CTNNA3: variants seen among roughly 807,000 people sequenced by gnomAD.
CTNNA3 encodes catenin alpha 3, also known as catenin alpha-3.
A neutral mutation model predicts 95.7 loss-of-function variants in CTNNA3; 76 were observed. That is an observed-to-expected ratio of 0.79 (90% confidence interval 0.66 to 0.96). The LOEUF (loss-of-function observed/expected upper bound fraction) is 0.96. Among genes scored for constraint, CTNNA3 ranks in the 40% least tolerant of loss-of-function variants. The pLI, the probability that CTNNA3 is intolerant of heterozygous loss-of-function variation, is 0.00. For synonymous variants in CTNNA3, 431 were observed against 374.4 expected, an observed-to-expected ratio of 1.15 and a Z score of -1.74; for missense variants, 1,191 against 1,089.8, an observed-to-expected ratio of 1.09 and a Z score of -1.31.
At chr10:66,259,082 T>C (rs974856015) in intron 13 of CTNNA3, among the ~76,000 whole-genome samples, 1 of 152,190 alleles carries the variant, frequency 6.6e-6, no homozygotes, top group African/African-American at 2.4e-5. Flanking sequence ...CTTTGGTCTC[T>C]GCCTTTTTAA....
In CTNNA3 at chr10:66,019,757, AG is replaced by A. The variant is rs2079163913; in HGVS notation, c.2160-30961del. Among the ~76,000 whole-genome samples the A allele has an allele frequency of 2.0e-5, 3 of 152,204 alleles. No individual in the cohort carries two copies. In the South Asian group the frequency reaches 6.2e-4, roughly 31 times the overall value. On this transcript the variant is annotated intron_variant, in intron 15 of 17. Coordinates refer to ENST00000433211, the MANE Select transcript of CTNNA3 (RefSeq NM_013266.4). ...AAATAGTTAAAAAATTGCTTAGTGTAGTTTGATGTTCCTGCAGCTTCAAAGT... is the reference window on the plus strand; with the variant it reads ...AAATAGTTAAAAAATTGCTTAGTGTATTTGATGTTCCTGCAGCTTCAAAGT...
chr10:67,614,317 G>C (rs1312111281), intron 2 of CTNNA3, among the ~76,000 whole-genome samples: 2 of 152,130 alleles, frequency 1.3e-5, no homozygotes, highest in Non-Finnish European at 2.9e-5. Context: ...TCAGTTTCAG[G>C]ATGATTCAAG....
chr10:66,931,555 A>T (rs1847395600), intron 7 of CTNNA3, among the ~76,000 whole-genome samples: 1 of 152,194 alleles, frequency 6.6e-6, no homozygotes, highest in Non-Finnish European at 1.5e-5. Flanking sequence ...AGTGACCTCT[A>T]GTGTCTGGTT....
chr10:66,125,153 T>G (rs575615272), intron 13 of CTNNA3, among the ~76,000 whole-genome samples: 1 of 152,254 alleles, frequency 6.6e-6, no homozygotes, highest in South Asian at 2.1e-4. Context: ...TGTTAGAAAC[T>G]TAGATCTAAA....
intron 2 of CTNNA3, among the ~76,000 whole-genome samples, chr10:67,632,202 A>G (rs953134196): frequency 1.3e-5 from 2 of 150,814 alleles, no homozygotes; most frequent in Non-Finnish European, 2.9e-5. Context: ...GTGTTAATTC[A>G]TTTGACTGTG....
chr10:67,484,448 G>A (rs1848369706), intron 5 of CTNNA3, among the ~76,000 whole-genome samples: 1 of 152,032 alleles, frequency 6.6e-6, no homozygotes, highest in African/African-American at 2.4e-5. Context: ...CAAAAAAAAA[G>A]TGAGAAGTGG....
chr10:66,252,280 A>T (rs2090589975), intron 13 of CTNNA3, among the ~76,000 whole-genome samples: 2 of 152,174 alleles, frequency 1.3e-5, no homozygotes, highest in African/African-American at 4.8e-5. Context: ...CAGGAAGAGA[A>T]CATATTTTCA....
Position 66,806,756 on chromosome 10 carries a change from ATGTGTGTGTGTGTG to A in CTNNA3, c.1048-31246_1048-31233del, listed in dbSNP as rs57749652. Reference sequence around the variant, plus strand: ...TATATTTATAGAGAATGTGGCATATATGTGTGTGTGTGTGTGTGTGTGTGTGTGTGTGTGTGTGT... The same window carrying A: ...TATATTTATAGAGAATGTGGCATATATGTGTGTGTGTGTGTGTGTGTGTGT... On this transcript the variant is annotated intron_variant, in intron 7 of 17. Coordinates refer to ENST00000433211, the MANE Select transcript of CTNNA3 (RefSeq NM_013266.4). Among the ~76,000 whole-genome samples, 770 of 145,818 alleles carry A rather than the reference ATGTGTGTGTGTGTG, an allele frequency of 5.3e-3. 4 individuals are homozygous for A. The highest frequency in any genetic ancestry group is 0.022 in the East Asian group (105 of 4,824).
chr10:67,064,575 T>A (rs2133231105), intron 7 of CTNNA3, among the ~76,000 whole-genome samples: 1 of 152,314 alleles, frequency 6.6e-6, no homozygotes, highest in South Asian at 2.1e-4. Context: ...TTTTGACTCT[T>A]CCCCTTAGTC....
intron 1 of CTNNA3, among the ~76,000 whole-genome samples, chr10:67,682,269 G>A (rs1385409418): frequency 6.6e-6 from 1 of 151,662 alleles, no homozygotes; most frequent in Non-Finnish European, 1.5e-5. Context: ...GGAGCTTGCA[G>A]TGAGCTGAGA....
chr10:66,366,277 A>G (rs1351186307), intron 12 of CTNNA3, among the ~76,000 whole-genome samples: 3 of 152,158 alleles, frequency 2.0e-5, no homozygotes, highest in Non-Finnish European at 4.4e-5. Flanking sequence ...CATGTCAGTT[A>G]GGTGTAATGT....
At chr10:66,596,196 T>C (rs1263425147) in intron 10 of CTNNA3, among the ~76,000 whole-genome samples, 3 of 151,866 alleles carry the variant, frequency 2.0e-5, no homozygotes, top group Non-Finnish European at 4.4e-5. Flanking sequence ...TGTATGAATA[T>C]CTCAACAACT....
At chr10:66,993,544 C>A (rs1380285605) in intron 7 of CTNNA3, among the ~76,000 whole-genome samples, 2 of 152,026 alleles carry the variant, frequency 1.3e-5, no homozygotes, top group Non-Finnish European at 2.9e-5. Context: ...GACCCTTTTC[C>A]TTCCAACTAT....
At chr10:67,429,150 T>A (rs1360113743) in intron 5 of CTNNA3, among the ~76,000 whole-genome samples, 1 of 151,986 alleles carries the variant, frequency 6.6e-6, no homozygotes, top group African/African-American at 2.4e-5. Flanking sequence ...GATTTGTGTT[T>A]GTCTAGTATT....
intron 13 of CTNNA3, among the ~76,000 whole-genome samples, chr10:66,199,488 C>T (rs1459908779): frequency 6.6e-6 from 1 of 151,438 alleles, no homozygotes; most frequent in Non-Finnish European, 1.5e-5. Flanking sequence ...AACAAAACTT[C>T]AGTGCTATGT....
intron 17 of CTNNA3, among the ~76,000 whole-genome samples, chr10:65,926,987 T>C (rs1028700518): frequency 5.3e-5 from 8 of 152,176 alleles, no homozygotes; most frequent in African/African-American, 1.9e-4. Context: ...GTCTTTTAGA[T>C]TTTCTATGTA....
At position 66,331,796 on chromosome 10, in the gene CTNNA3, C is replaced by G. The variant is rs1052691116; in HGVS notation, c.1732+47356G>C. Among the ~76,000 whole-genome samples, 10 of 151,652 alleles carry G rather than the reference C, an allele frequency of 6.6e-5. No individual in the cohort carries two copies. The South Asian group carries it at 1.7e-3, about 25-fold the overall frequency. ...ACTTGGCAATGCGGGCTCTTTTTTG[C>G]TTCCATATGAACTTTAAAGTAGTTT... On this transcript the variant is annotated intron_variant, in intron 12 of 17. Transcript: ENST00000433211.
Position 66,941,588 on chromosome 10 carries a change from G to C in CTNNA3, c.1048-166064C>G, listed in dbSNP as rs943463872. ...ATAAGTGATCTGAAAAAAAATCAAA[G>C]GCCATAAAAGCTATTTGTCAAATAA... On this transcript the variant is annotated intron_variant, in intron 7 of 17. Coordinates refer to ENST00000433211, the MANE Select transcript of CTNNA3 (RefSeq NM_013266.4). Among the ~76,000 whole-genome samples, 87 of 152,186 alleles carry C rather than the reference G, an allele frequency of 5.7e-4. 1 individual carries two copies. The highest frequency in any genetic ancestry group is 2.0e-3 in the African/African-American group (81 of 41,516).
At chr10:66,243,258 C>G (rs1008777710) in intron 13 of CTNNA3, among the ~76,000 whole-genome samples, 1 of 152,114 alleles carries the variant, frequency 6.6e-6, no homozygotes, top group African/African-American at 2.4e-5. Flanking sequence ...TTTAAACAGC[C>G]CTGTAAAGCT....
Sources: allele counts gnomAD v4.1 joint callset (sites outside exome capture counted in the v4.1 genomes callset), GRCh38; gene constraint gnomAD v4.1.1; transcripts MANE v1.5; gene names NCBI Gene and HGNC (gene_info 2026-07-23, HGNC 2026-07-21).